Variants in TRIOBP observed in about 807,000 individuals in gnomAD.
TRIOBP encodes TRIO and F-actin-binding protein.
TRIOBP carries 169 observed loss-of-function variants against 238.8 expected under a neutral mutation model. That is an observed-to-expected ratio of 0.71 (90% CI 0.62 to 0.80). The LOEUF is 0.80. Ranked by LOEUF, TRIOBP falls within the 30% of genes least tolerant of loss-of-function variation. The pLI, the probability that TRIOBP is intolerant of heterozygous loss-of-function variation, is 0.00. For synonymous variants in TRIOBP, 1,150 were observed against 1,274.4 expected (o/e 0.90, Z 2.08); for missense variants, 2,838 against 3,122.6 (o/e 0.91, Z 2.17).
intron 4 of TRIOBP, among the ~76,000 whole-genome samples, chr22:37,712,752 C>T (rs959046025): frequency 3.0e-4 from 46 of 151,570 alleles, no homozygotes; most frequent in African/African-American, 1.1e-3. Flanking sequence ...GTCAGGAGAT[C>T]GAGACCATCC....
At chr22:37,749,428 C>T (rs1232228671) in intron 11 of TRIOBP, among the ~76,000 whole-genome samples, 1 of 152,004 alleles carries the variant, frequency 6.6e-6, no homozygotes, top group Non-Finnish European at 1.5e-5. Flanking sequence ...TTGAGTGAGT[C>T]CCGCCAGCCC....
At chr22:37,708,419 C>T (rs569800132) in intron 3 of TRIOBP, among the ~76,000 whole-genome samples, 154 of 152,216 alleles carry the variant, frequency 1.0e-3, no homozygotes, top group African/African-American at 3.4e-3. Context: ...GGCATGGTGT[C>T]GGGCACCTGT....
At chr22:37,751,376 A>C in intron 11 of TRIOBP, 6 of 350,876 alleles carry the variant, frequency 1.7e-5, no homozygotes, top group Middle Eastern at 9.9e-4. Context: ...AGAGGGAGGA[A>C]CTGGACAGTT....
intron 3 of TRIOBP, 120 bp from the exon 4 acceptor site, chr22:37,710,307 A>G: frequency 6.9e-7 from 1 of 1,446,624 alleles, no homozygotes; most frequent in Non-Finnish European, 9.4e-7. Flanking sequence ...GCTCCTTGAG[A>G]AGTGCAGGAT....
At position 37,772,610 on chromosome 22, in the gene TRIOBP, T is replaced by C. The variant is rs2145885691; in HGVS notation, c.6946T>C (p.Phe2316Leu). ...GCCTCCTGCCCCCCAGGACAAGCGCTTCACCTCGGGAAAGTACCAGGACGT... is the reference window on the plus strand; with the variant it reads ...GCCTCCTGCCCCCCAGGACAAGCGCCTCACCTCGGGAAAGTACCAGGACGT... ...ELQMMQKDKRFTSGKYQDVYV... is the reference protein window; with the variant it reads ...ELQMMQKDKRLTSGKYQDVYV... Residue 2316 changes from phenylalanine (F) to leucine (L), a missense_variant, in exon 23 of 24, where the codon TTC becomes CTC. This residue lies in a region of TRIOBP where 2,096 missense variants were observed against 2,137.4 expected (regional missense o/e 0.98). Transcript: ENST00000644935. The C allele has an allele frequency of 6.2e-7, 1 of 1,614,078 alleles. No individual in the cohort carries two copies. Among genetic ancestry groups the C allele is most frequent in the East Asian group, 2.2e-5 (1 of 44,866 alleles).
intron 11 of TRIOBP, chr22:37,750,749 C>T (rs1344603419): frequency 8.5e-6 from 4 of 470,966 alleles, no homozygotes; most frequent in South Asian, 1.5e-5. Context: ...ACTTCCTATA[C>T]CTGAGAAGGG....
At chr22:37,717,921 C>T (rs1173239981) in intron 6 of TRIOBP, among the ~76,000 whole-genome samples, 1 of 152,210 alleles carries the variant, frequency 6.6e-6, no homozygotes, top group Non-Finnish European at 1.5e-5. Flanking sequence ...TCGGGCTGCA[C>T]AGGAGCCCAC....
Position 37,713,222 on chromosome 22 carries a change from C to G in TRIOBP, c.267C>G (p.Pro89=). 1 of 1,613,594 alleles carries G rather than the reference C, an allele frequency of 6.2e-7. No homozygotes were observed. The highest frequency in any genetic ancestry group is 8.5e-7 in the Non-Finnish European group (1 of 1,179,774). The change falls in exon 5 of 24, where the codon CCC becomes CCG. Residue 89 remains proline (P), a synonymous_variant. Transcript: ENST00000644935. ...TCTCCTCTCCCAGGGGCCCATCCCC[C>G]TCAGCAGGGCTCCCAGAAGAGGGTC... The part of the protein sequence containing the change: ...LRPGPKRGPS[P]SAGLPEEGPT...
rs551483095 is a variant in TRIOBP at position 37,776,265 on chromosome 22, AGAG to A, written c.*2489_*2491del. On this transcript the variant is annotated 3_prime_UTR_variant, in exon 24 of 24. Transcript: ENST00000644935. The stretch of plus-strand genomic sequence containing the variant: ...CACTGCCCCACTATCAGAATAGCTC[AGAG>A]GAGAAGGTCTGCCAGTACCAAGTGC... 6.6e-6 allele frequency: 1 copy of A among 152,268 alleles called. No homozygotes were observed. Among genetic ancestry groups the A allele is most frequent in the Non-Finnish European group, 1.5e-5 (1 of 68,050 alleles). 9.4% of individuals were successfully genotyped at this position (152,268 alleles called of 1,614,324 possible).
At chr22:37,731,517 C>T (rs528120930) in intron 7 of TRIOBP, among the ~76,000 whole-genome samples, 3 of 152,106 alleles carry the variant, frequency 2.0e-5, no homozygotes, top group Admixed American at 6.5e-5. Flanking sequence ...AGTGCAGTGG[C>T]GCGATCTCAG....
chr22:37,726,750 G>A (rs902617584), intron 7 of TRIOBP, among the ~76,000 whole-genome samples: 9 of 152,174 alleles, frequency 5.9e-5, no homozygotes, highest in African/African-American at 1.9e-4. Flanking sequence ...CTGCAGTCAG[G>A]AGGGCTGAGT....
chr22:37,704,009 G>T (rs546793204), intron 3 of TRIOBP, among the ~76,000 whole-genome samples: 10 of 152,232 alleles, frequency 6.6e-5, no homozygotes, highest in African/African-American at 2.4e-4. Flanking sequence ...ACCCGAGACC[G>T]TGGGTCAGCT....
chr22:37,707,787 C>T (rs1923020553), intron 3 of TRIOBP, among the ~76,000 whole-genome samples: 1 of 149,684 alleles, frequency 6.7e-6, no homozygotes, highest in African/African-American at 2.5e-5. Context: ...ACTAAAAATA[C>T]AAAAATTAGC....
chr22:37,732,898 T>C (rs1179610126), intron 7 of TRIOBP, among the ~76,000 whole-genome samples: 3 of 152,220 alleles, frequency 2.0e-5, no homozygotes, highest in Non-Finnish European at 4.4e-5. Context: ...CAGTAGGTGC[T>C]CAATAAATCT....
At chr22:37,731,929 C>G (rs1365208483) in intron 7 of TRIOBP, among the ~76,000 whole-genome samples, 1 of 152,214 alleles carries the variant, frequency 6.6e-6, no homozygotes, top group African/African-American at 2.4e-5. Context: ...AGCATGGCTC[C>G]TCAGGCACAG....
chr22:37,698,633 G>A (rs1325784123), intron 2 of TRIOBP, among the ~76,000 whole-genome samples: 2 of 151,882 alleles, frequency 1.3e-5, no homozygotes, highest in Non-Finnish European at 2.9e-5. Context: ...GATTATAGGC[G>A]TGAGCCACCG....
chr22:37,709,273 C>A (rs1482476086), intron 3 of TRIOBP, among the ~76,000 whole-genome samples: 1 of 152,214 alleles, frequency 6.6e-6, no homozygotes, highest in Non-Finnish European at 1.5e-5. Context: ...GGGCTCTGGG[C>A]TCCAGGGTCC....
intron 10 of TRIOBP, among the ~76,000 whole-genome samples, chr22:37,739,951 C>G (rs1172838454): frequency 2.0e-5 from 3 of 152,242 alleles, no homozygotes; most frequent in African/African-American, 7.2e-5. Flanking sequence ...CTGGTCAGAA[C>G]TGATAACCAC....
chr22:37,765,368 CTG>C (rs376613602), intron 17 of TRIOBP, among the ~76,000 whole-genome samples: 1 of 152,260 alleles, frequency 6.6e-6, no homozygotes, highest in African/African-American at 2.4e-5. Flanking sequence ...GCAACCGTAA[CTG>C]TGAGATTGCT....
Sources: allele counts gnomAD v4.1 joint callset (sites outside exome capture counted in the v4.1 genomes callset), GRCh38; gene constraint gnomAD v4.1.1; regional missense constraint gnomAD v4.1.1; transcripts MANE v1.5; gene names NCBI Gene and HGNC (gene_info 2026-07-23, HGNC 2026-07-21).